The following SLC7A6 variants were observed in gnomAD, a reference collection of about 807,000 sequenced individuals.
SLC7A6 encodes the protein solute carrier family 7 member 6, also known as Y+L amino acid transporter 2.
In SLC7A6, 29 loss-of-function variants were observed where a neutral mutation model predicts 46.6. The observed-to-expected ratio is 0.62, with a 90% CI of 0.46 to 0.85. SLC7A6 has a LOEUF of 0.85. SLC7A6 is among the 40% of genes least tolerant of loss of function. The pLI, the probability that SLC7A6 is intolerant of heterozygous loss-of-function variation, is 0.00. For missense variants in SLC7A6, 527 were observed against 647.6 expected, an observed-to-expected ratio of 0.81 and a Z score of 2.02; for synonymous variants, 276 against 257.3, an observed-to-expected ratio of 1.07 and a Z score of -0.70.
chr16:68,289,973 G>A (rs2043014302), intron 4 of SLC7A6: 2 of 166,676 alleles, frequency 1.2e-5, no homozygotes, highest in African/African-American at 4.8e-5. Context: ...CATGTGAAAT[G>A]GGGTTCTTGA....
intron 8 of SLC7A6, 50 bp downstream of exon 8, chr16:68,294,851 T>C: frequency 1.6e-6 from 2 of 1,276,974 alleles, no homozygotes; most frequent in Non-Finnish European, 1.1e-6. Context: ...GCATTGCTCC[T>C]TCTGATTTGT....
chr16:68,290,128 T>C, intron 4 of SLC7A6: 1 of 386,774 alleles, frequency 2.6e-6, no homozygotes, highest in East Asian at 4.0e-5. Flanking sequence ...ATTAAAGGAA[T>C]GTGAGCTTTC....
At position 68,275,259 on chromosome 16, in the gene SLC7A6, G is replaced by A; in HGVS notation, c.523+10G>A. 6.2e-7 allele frequency: 1 copy of A among 1,608,494 alleles called. No individual in the cohort carries two copies. The highest frequency in any genetic ancestry group is 8.5e-7 in the Non-Finnish European group (1 of 1,176,010). ...GCTGCTGCTTGCATATGTAAGTGGG[G>A]GCTGAGATTGGGAGGATGTTGGGGG... On this transcript the variant is annotated intron_variant, in intron 3 of 10. Transcript: ENST00000219343.
chr16:68,291,054 G>C (rs1388548364), intron 5 of SLC7A6, 155 bp from the exon 6 acceptor site: 2 of 891,394 alleles, frequency 2.2e-6, no homozygotes, highest in Non-Finnish European at 3.6e-6. Context: ...TTTCTCAATA[G>C]AAAGAACCCA....
chr16:68,284,859 CTT>C (rs71384525), intron 3 of SLC7A6, among the ~76,000 whole-genome samples: 4 of 95,592 alleles, frequency 4.2e-5, no homozygotes, highest in Admixed American at 1.4e-4. Flanking sequence ...ATTTTCTCGT[CTT>C]TTTTTTTTTT....
chr16:68,277,346 T>TTATTTATTTATTTATC, intron 3 of SLC7A6, among the ~76,000 whole-genome samples: 1 of 151,132 alleles, frequency 6.6e-6, no homozygotes, highest in Non-Finnish European at 1.5e-5. Flanking sequence ...ATTTATTTAT[T>TTATTTATTTATTTATC]TATTTGAGAC....
rs2043257353 is a variant in SLC7A6 at position 68,300,829 on chromosome 16, C to A, written c.*3501C>A. ...AGTCTGTATTGCTACAAGGGACCCA[C>A]TGGTACCCCTTTTAGATTCTATCAA... On this transcript the variant is annotated 3_prime_UTR_variant, in exon 11 of 11. Transcript: ENST00000219343. 1.0e-6 allele frequency: 1 copy of A among 986,446 alleles called. No individual in the cohort carries two copies. The highest frequency in any genetic ancestry group is 1.7e-5 in the African/African-American group (1 of 57,256). The allele number at this position is 986,446 out of a possible 1,614,324, so 61.1% of individuals were successfully genotyped here.
At chr16:68,294,203 G>C (rs1165025326) in intron 7 of SLC7A6, among the ~76,000 whole-genome samples, 1 of 152,218 alleles carries the variant, frequency 6.6e-6, no homozygotes, top group Non-Finnish European at 1.5e-5. Context: ...CGCTGTGCCA[G>C]TCTTTTTCCC....
chr16:68,291,031 A>G, intron 5 of SLC7A6, 178 bp from the exon 6 acceptor site: 1 of 699,182 alleles, frequency 1.4e-6, no homozygotes. Context: ...ATCTTCACAG[A>G]GAAAGTTGGG....
chr16:68,274,639 T>C (rs1308390491), intron 2 of SLC7A6, 52 bp from the exon 3 acceptor site: 3 of 1,497,080 alleles, frequency 2.0e-6, no homozygotes, highest in South Asian at 1.3e-5. Context: ...CTGGTCTAAA[T>C]AGAGCCTCAC....
rs780662504 is a variant in SLC7A6, at chr16:68,301,272, C to CCAT, written c.*3947_*3949dup. On this transcript the variant is annotated 3_prime_UTR_variant, in exon 11 of 11. Coordinates refer to ENST00000219343, the MANE Select transcript of SLC7A6 (RefSeq NM_003983.6). ...GCAGAACCTCATGGACATCACAAGA[C>CCAT]CATCAGTCTGAATCCAGGTCGTGGG... is the stretch of plus-strand genomic sequence containing the variant. 2 of 1,613,908 alleles carry CCAT rather than the reference C, an allele frequency of 1.2e-6. No individual in the cohort carries two copies. The highest frequency in any genetic ancestry group is 4.5e-5 in the East Asian group (2 of 44,848).
At chr16:68,278,921 C>T (rs1321171321) in intron 3 of SLC7A6, among the ~76,000 whole-genome samples, 8 of 151,792 alleles carry the variant, frequency 5.3e-5, no homozygotes, top group Non-Finnish European at 7.4e-5. Context: ...CCGGACAGGG[C>T]GGCTGCCGGG....
rs753390962 is a variant in SLC7A6 at position 68,275,031 on chromosome 16, G to T, written c.305G>T (p.Gly102Val). ...GGTGCCCTTTGTTATGCAGAGCTGG[G>T]GACCACCATCACCAAGTCGGGAGCC... ...VVGALCYAEL[G>V]TTITKSGASY... The change falls in exon 3 of 11, where the codon GGG (glycine) becomes GTG (valine). Residue 102 changes from glycine (G) to valine (V), a missense_variant. Coordinates refer to ENST00000219343, the MANE Select transcript of SLC7A6 (RefSeq NM_003983.6). The T allele has an allele frequency of 6.2e-7, 1 of 1,614,106 alleles. No homozygotes were observed. Among genetic ancestry groups the T allele is most frequent in the Non-Finnish European group, 8.5e-7 (1 of 1,180,024 alleles).
rs565594369 is a variant in SLC7A6, at chr16:68,301,819, C to T, written c.*4491C>T. On this transcript the variant is annotated 3_prime_UTR_variant, in exon 11 of 11. Coordinates refer to ENST00000219343, the MANE Select transcript of SLC7A6 (RefSeq NM_003983.6). ...ACACCAATAAATTCTTTTTGTTGGG[C>T]CTTCTTCTCTCTTCTTTAATATAGT... is the stretch of plus-strand genomic sequence containing the variant. 125 of 159,632 alleles carry T rather than the reference C, an allele frequency of 7.8e-4. No homozygotes were observed. In the Middle Eastern group the frequency reaches 0.013, roughly 17 times the overall value. 9.9% of individuals were successfully genotyped at this position (159,632 alleles called of 1,614,324 possible). A position where few individuals can be genotyped will look rare whatever the true frequency, so the allele number is the denominator to read the frequency against.
chr16:68,267,244 C>T (rs1038768431), intron 2 of SLC7A6, among the ~76,000 whole-genome samples: 5 of 109,006 alleles, frequency 4.6e-5, no homozygotes, highest in Non-Finnish European at 8.6e-5. Flanking sequence ...GAAGGAGTTT[C>T]GCTCTCATTG....
At chr16:68,293,014 G>A (rs6499166) in intron 7 of SLC7A6, among the ~76,000 whole-genome samples, 120,213 of 152,184 alleles carry the variant, frequency 0.79, 48,258 homozygotes, top group African/African-American at 0.94. Flanking sequence ...TGAAAAATAA[G>A]AGAGAGTTTT....
intron 3 of SLC7A6, among the ~76,000 whole-genome samples, chr16:68,279,177 A>AT (rs2151219472): frequency 6.6e-6 from 1 of 151,266 alleles, no homozygotes; most frequent in East Asian, 1.9e-4. Context: ...CTCTAAAAAA[A>AT]AAAAAAATTA....
intron 3 of SLC7A6, among the ~76,000 whole-genome samples, chr16:68,285,615 G>C (rs1284629652): frequency 1.3e-5 from 2 of 152,170 alleles, no homozygotes; most frequent in Admixed American, 6.5e-5. Context: ...CATTGAGCCT[G>C]GCACCTGCCA....
At chr16:68,296,921 G>A in intron 10 of SLC7A6, 111 bp downstream of exon 10, 1 of 1,141,328 alleles carries the variant, frequency 8.8e-7, no homozygotes, top group Non-Finnish European at 1.2e-6. Flanking sequence ...GAGGCCATGT[G>A]ACCCAGCTGT....
Sources: allele counts gnomAD v4.1 joint callset (sites outside exome capture counted in the v4.1 genomes callset), GRCh38; gene constraint gnomAD v4.1.1; transcripts MANE v1.5; gene names NCBI Gene and HGNC (gene_info 2026-07-23, HGNC 2026-07-21).